The following NECTIN1 variants were observed in gnomAD, a reference collection of about 807,000 sequenced individuals.
NECTIN1 encodes the protein nectin-1.
In NECTIN1, 23 loss-of-function variants were observed where a neutral mutation model predicts 48.0. That is an observed-to-expected ratio of 0.48 (90% CI 0.34 to 0.68). NECTIN1 has a LOEUF of 0.68. Among genes scored for constraint, NECTIN1 ranks in the 30% least tolerant of loss-of-function variants. The pLI, the probability that NECTIN1 is intolerant of heterozygous loss-of-function variation, is 0.01. For synonymous variants in NECTIN1, 270 were observed against 288.9 expected (o/e 0.93, Z 0.66); for missense variants, 591 against 709.9 (o/e 0.83, Z 1.90).
chr11:119,711,871 T>G (rs1865653920), intron 1 of NECTIN1, among the ~76,000 whole-genome samples: 1 of 152,194 alleles, frequency 6.6e-6, no homozygotes, highest in African/African-American at 2.4e-5. Flanking sequence ...CAGGGAATAT[T>G]CGGCAATGTC....
rs540147208 is a variant in NECTIN1, at chr11:119,674,227, A to G, written c.1003+932T>C. Among the ~76,000 whole-genome samples, 615 of 152,228 alleles carry G rather than the reference A, an allele frequency of 4.0e-3. 8 individuals carry two copies. Among genetic ancestry groups the G allele is most frequent in the African/African-American group, 0.014 (570 of 41,522 alleles). Reference sequence around the variant, plus strand: ...TCCTATATCTCAGTCACAGTGGGACACCACTTCCTTTTTTAAGACACTCGG... The same window carrying G: ...TCCTATATCTCAGTCACAGTGGGACGCCACTTCCTTTTTTAAGACACTCGG... On this transcript the variant is annotated intron_variant, in intron 5 of 5. Coordinates refer to ENST00000264025, the MANE Select transcript of NECTIN1 (RefSeq NM_002855.5).
rs774789133 is a variant in NECTIN1 at position 119,677,236 on chromosome 11, G to C, written c.734-17C>G. 1 of 1,601,950 alleles carries C rather than the reference G, an allele frequency of 6.2e-7. No individual in the cohort carries two copies. Among genetic ancestry groups the C allele is most frequent in the South Asian group, 1.1e-5 (1 of 90,840 alleles). On this transcript the variant is annotated splice_polypyrimidine_tract_variant and intron_variant, in intron 3 of 5. Coordinates refer to ENST00000264025, the MANE Select transcript of NECTIN1 (RefSeq NM_002855.5). This position sits in a 1 kb window ranked among gnomAD's most constrained non-coding sequence, Gnocchi z 5.4. ...CAGGCTCATCTGTGGGGCAAGGGAT[G>C]TTTGAAGAGGGTGAGGTCAGGAGAG...
rs575611526 is a variant in NECTIN1 at position 119,652,977 on chromosome 11, G to A, written c.1004-12965C>T. 5.4e-4 allele frequency among the ~76,000 whole-genome samples: 83 copies of A among 152,304 alleles called. 1 individual carries two copies. Among genetic ancestry groups the A allele is most frequent in the African/African-American group, 1.9e-3 (81 of 41,548 alleles). ...AATGGACAACAGACCTCATGGGTGA[G>A]GCTCACAGACATCATGTTGACTGAA... On this transcript the variant is annotated intron_variant, in intron 5 of 7. Coordinates refer to the NECTIN1 transcript ENST00000341398.
chr11:119,665,172 C>A lies in NECTIN1; in HGVS notation c.1129G>T (p.Ala377Ser), dbSNP rs768844647. 1.1e-5 allele frequency: 17 copies of A among 1,611,248 alleles called. No homozygotes were observed. The highest frequency in any genetic ancestry group is 1.4e-5 in the Non-Finnish European group (17 of 1,179,898). ...AAGGTGTGCCGGCGCCGACGCAGGG[C>A]GACCACGATCCCGCCGACCACAATC... ...VLIVVGGIVV[A>S]LRRRRHTFKG... is the part of the protein sequence containing the mutation. The change falls in exon 6 of 6, where the codon GCC becomes TCC. Residue 377 changes from alanine to serine, a missense_variant. Coordinates refer to ENST00000264025, the MANE Select transcript of NECTIN1 (RefSeq NM_002855.5). The surrounding 1 kb of genome is among the most constrained non-coding windows in gnomAD (Gnocchi z 5.1).
intron 1 of NECTIN1, among the ~76,000 whole-genome samples, chr11:119,710,430 A>T (rs1469253785): frequency 6.3e-3 from 2 of 318 alleles, no homozygotes; most frequent in Non-Finnish European, 0.017. Context: ...ACACACACAC[A>T]CACAGCCCTG....
intron 5 of NECTIN1, among the ~76,000 whole-genome samples, chr11:119,646,445 TC>T (rs555624082): frequency 2.1e-3 from 326 of 152,304 alleles, no homozygotes; most frequent in African/African-American, 7.4e-3. Context: ...TGTTGGCCCA[TC>T]CCCCCTCCGT....
At position 119,652,227 on chromosome 11, in the gene NECTIN1, C is replaced by T. The variant is rs1002549930; in HGVS notation, c.1004-12215G>A. Among the ~76,000 whole-genome samples the T allele has an allele frequency of 8.5e-5, 13 of 152,184 alleles. 2 individuals carry two copies. The highest frequency in any genetic ancestry group is 6.5e-4 in the Admixed American group (10 of 15,280). On this transcript the variant is annotated intron_variant, in intron 5 of 7. Coordinates refer to the NECTIN1 transcript ENST00000341398. ...ACCAGAGGAAGGTTTTCCAGCGAACCCCACCCGGTGTGGTCACCATGACAC... is the reference window on the plus strand; with the variant it reads ...ACCAGAGGAAGGTTTTCCAGCGAACTCCACCCGGTGTGGTCACCATGACAC...
At chr11:119,700,104 T>C (rs1791426156) in intron 1 of NECTIN1, among the ~76,000 whole-genome samples, 1 of 152,140 alleles carries the variant, frequency 6.6e-6, no homozygotes, top group Admixed American at 6.5e-5. Flanking sequence ...ACTCTATGTC[T>C]CCTGCTGGGG....
intron 1 of NECTIN1, among the ~76,000 whole-genome samples, chr11:119,692,976 T>A (rs936327552): frequency 1.3e-5 from 2 of 152,116 alleles, no homozygotes; most frequent in African/African-American, 4.8e-5. Flanking sequence ...GGGAGTGCCT[T>A]GTAGAGAGGG....
chr11:119,675,439 A>G (rs940607825), intron 4 of NECTIN1, 129 bp from the exon 5 acceptor site: 2 of 812,992 alleles, frequency 2.5e-6, no homozygotes, highest in African/African-American at 3.5e-5. Context: ...CTGTCTTTGA[A>G]GGAAGAAAAA....
chr11:119,639,431 C>G, intron 6 of NECTIN1: 2 of 225,994 alleles, frequency 8.8e-6, no homozygotes, highest in South Asian at 1.5e-4. Flanking sequence ...TATGATTTAT[C>G]CTGATGGTTG....
At chr11:119,645,936 C>T (rs1180533727) in intron 5 of NECTIN1, among the ~76,000 whole-genome samples, 2 of 152,208 alleles carry the variant, frequency 1.3e-5, no homozygotes, top group African/African-American at 4.8e-5. Flanking sequence ...GGCCTCTGTC[C>T]TCCCCTTCTC....
Position 119,666,565 on chromosome 11 carries a change from G to A in NECTIN1, c.1004-1268C>T, listed in dbSNP as rs563275090. 3.9e-5 allele frequency among the ~76,000 whole-genome samples: 6 copies of A among 152,366 alleles called. No individual in the cohort carries two copies. The East Asian group carries it at 7.7e-4, about 20-fold the overall frequency. ...GGAAATGGTTCCTGGCACCACCACA[G>A]GGTGGCACCAGAGACCACAGCTGGC... On this transcript the variant is annotated intron_variant, in intron 5 of 5. Transcript: ENST00000264025.
chr11:119,716,566 T>C (rs906844442), intron 1 of NECTIN1, among the ~76,000 whole-genome samples: 1 of 152,252 alleles, frequency 6.6e-6, no homozygotes, highest in South Asian at 2.1e-4. Context: ...AAATAACCAC[T>C]GGGTTCAGTC....
rs757906264 is a variant in NECTIN1 at position 119,638,733 on chromosome 11, G to A, written c.1225C>T (p.Gln409Ter). Residue 409 changes from glutamine (Q) to a stop codon, truncating the protein, a stop_gained and splice_region_variant, in exon 7 of 8, where the codon CAG becomes TAG. Coordinates refer to the NECTIN1 transcript ENST00000341398. LOFTEE classifies it low-confidence loss of function (END_TRUNC). ...GTCCTCTGCTGCCTCAGGCCCACCT[G>A]GATATCCTCAGGCACAAGGGAGCTT... 1.9e-6 allele frequency: 3 copies of A among 1,613,668 alleles called. No individual in the cohort carries two copies. The highest frequency in any genetic ancestry group is 2.5e-6 in the Non-Finnish European group (3 of 1,179,784).
rs1712674094 is a variant in NECTIN1 at position 119,662,551 on chromosome 11, G to C, written c.*2196C>G. 1 of 985,750 alleles carries C rather than the reference G, an allele frequency of 1.0e-6. No homozygotes were observed. Among genetic ancestry groups the C allele is most frequent in the African/African-American group, 1.7e-5 (1 of 57,178 alleles). 61.1% of individuals were successfully genotyped at this position (985,750 alleles called of 1,614,324 possible). ...AGTCCAACACAGAATGGGGAATAGAGGGTGGCAGTGCAGGATAAAGGAGAT... is the reference window on the plus strand; with the variant it reads ...AGTCCAACACAGAATGGGGAATAGACGGTGGCAGTGCAGGATAAAGGAGAT... On this transcript the variant is annotated 3_prime_UTR_variant, in exon 6 of 6. Transcript: ENST00000264025. This position sits in a 1 kb window ranked among gnomAD's most constrained non-coding sequence, Gnocchi z 5.3.
chr11:119,705,613 G>A (rs1865534687), intron 1 of NECTIN1, among the ~76,000 whole-genome samples: 1 of 152,236 alleles, frequency 6.6e-6, no homozygotes, highest in African/African-American at 2.4e-5. Flanking sequence ...GGAGACTGAT[G>A]CAGGGGCCAG....
intron 1 of NECTIN1, among the ~76,000 whole-genome samples, chr11:119,717,166 C>A (rs1865756048): frequency 6.6e-6 from 1 of 152,208 alleles, no homozygotes; most frequent in South Asian, 2.1e-4. Context: ...ATGCTCTCTC[C>A]CTCTTCCATC....
chr11:119,687,695 G>T (rs1865183097), intron 1 of NECTIN1, among the ~76,000 whole-genome samples: 1 of 152,204 alleles, frequency 6.6e-6, no homozygotes, highest in South Asian at 2.1e-4. Context: ...GGCTTCCCCG[G>T]AGAATCTTTT....
Sources: gnomAD v4.1 joint callset for allele counts (sites outside exome capture counted in the v4.1 genomes callset) on GRCh38, gnomAD v4.1.1 for gene constraint, Gnocchi (gnomAD v3.1) non-coding constraint, MANE v1.5 for transcripts, NCBI Gene and HGNC (gene_info 2026-07-23, HGNC 2026-07-21) for gene names.